The following MCTP1 variants were observed in gnomAD, a reference collection of about 807,000 sequenced individuals.
The protein encoded by MCTP1 is multiple C2 and transmembrane domain-containing protein 1.
In MCTP1, 69 loss-of-function variants were observed where a neutral mutation model predicts 120.6. The observed-to-expected ratio is 0.57, with a 90% CI of 0.47 to 0.70. The LOEUF is 0.70. Among genes scored for constraint, MCTP1 ranks in the 30% least tolerant of loss-of-function variants. The probability of loss-of-function intolerance (pLI) is 0.00; values close to 1 mark genes in which losing one functional copy is unlikely to be tolerated. For synonymous variants in MCTP1, 529 were observed against 493.1 expected, an observed-to-expected ratio of 1.07 and a Z score of -0.96; for missense variants, 1,203 against 1,248.8, an observed-to-expected ratio of 0.96 and a Z score of 0.55.
At chr5:95,081,341 T>A in intron 1 of MCTP1, 1 of 1,236,838 alleles carries the variant, frequency 8.1e-7, no homozygotes. Flanking sequence ...GAGAAGGCAT[T>A]TTTCTAAGGA....
At chr5:94,844,301 C>CAAAAAAAAAAAAAAAAAAAAAAAAAA (rs59169145) in intron 17 of MCTP1, among the ~76,000 whole-genome samples, 1 of 79,700 alleles carries the variant, frequency 1.3e-5, no homozygotes, top group Non-Finnish European at 2.3e-5. Flanking sequence ...GACTCTGTCT[C>CAAAAAAAAAAAAAAAAAAAAAAAAAA]AAAAAAAAAA....
rs770650066 is a variant in MCTP1 at position 94,799,064 on chromosome 5, T to C, written c.2505A>G (p.Thr835=). 2 of 1,612,120 alleles carry C rather than the reference T, an allele frequency of 1.2e-6. No individual in the cohort carries two copies. The highest frequency in any genetic ancestry group is 1.1e-5 in the South Asian group (1 of 90,994). Reference sequence around the variant, plus strand: ...CTGATATTATCAAGAAGTAGTTCCATGTCAATAGTAACAACAAAACCAGTG... The same window carrying C: ...CTGATATTATCAAGAAGTAGTTCCACGTCAATAGTAACAACAAAACCAGTG... The part of the protein sequence containing the change: ...MIPLVLLLLL[T]WNYFLIISGK... The change falls in exon 18 of 23, where the codon ACA becomes ACG. Residue 835 remains threonine, a synonymous_variant. Transcript: ENST00000515393.
intron 1 of MCTP1, among the ~76,000 whole-genome samples, chr5:95,249,356 C>A (rs1757147482): frequency 6.6e-6 from 1 of 151,992 alleles, no homozygotes; most frequent in Non-Finnish European, 1.5e-5. Flanking sequence ...AAGATATGAA[C>A]AGATACTTCT....
At chr5:95,168,110 A>C (rs549306119) in intron 1 of MCTP1, among the ~76,000 whole-genome samples, 4 of 152,242 alleles carry the variant, frequency 2.6e-5, no homozygotes, top group Non-Finnish European at 5.9e-5. Flanking sequence ...AGCTTTCTAC[A>C]TATGGCTAGC....
At chr5:94,709,807 A>T (rs1202131242) in intron 21 of MCTP1, 2 of 152,096 alleles carry the variant, frequency 1.3e-5, no homozygotes, top group Non-Finnish European at 2.9e-5. Flanking sequence ...TATAGTGATA[A>T]TAAGGGGTAA....
At chr5:94,889,748 C>CA (rs1802126311) in intron 11 of MCTP1, among the ~76,000 whole-genome samples, 10 of 102,354 alleles carry the variant, frequency 9.8e-5, no homozygotes, top group Middle Eastern at 5.7e-3. Flanking sequence ...CATGAATGTA[C>CA]ACCACACACA....
At chr5:94,794,442 G>C (rs1031716446) in intron 18 of MCTP1, among the ~76,000 whole-genome samples, 4 of 152,204 alleles carry the variant, frequency 2.6e-5, no homozygotes, top group African/African-American at 9.6e-5. Flanking sequence ...AAGGTTACTG[G>C]TTACCTTACA....
chr5:95,102,146 C>T (rs190154331), intron 1 of MCTP1, among the ~76,000 whole-genome samples: 41 of 152,236 alleles, frequency 2.7e-4, no homozygotes, highest in Non-Finnish European at 5.1e-4. Context: ...AATGATAGGA[C>T]TCATCAAAAG....
chr5:95,220,257 A>T (rs1753532374), intron 1 of MCTP1, among the ~76,000 whole-genome samples: 1 of 152,106 alleles, frequency 6.6e-6, no homozygotes, highest in Admixed American at 6.5e-5. Context: ...TGATTTTCAT[A>T]GTACAATATT....
At chr5:94,910,200 GTATATATACATATATGTGTATACATA>G in intron 9 of MCTP1, among the ~76,000 whole-genome samples, 1 of 150,830 alleles carries the variant, frequency 6.6e-6, no homozygotes, top group Non-Finnish European at 1.5e-5. Flanking sequence ...ATACATATAT[GTATATATACATATATGTGTATACATA>G]TATGTATGTA....
chr5:95,271,465 GA>G (rs34340941), intron 1 of MCTP1, among the ~76,000 whole-genome samples: 11 of 149,742 alleles, frequency 7.3e-5, no homozygotes, highest in East Asian at 2.0e-4. Flanking sequence ...CCTCAAATTA[GA>G]AAAAAAAAAT....
chr5:95,151,896 T>C (rs331569), intron 1 of MCTP1, among the ~76,000 whole-genome samples: 43,480 of 152,092 alleles, frequency 0.29, 6,688 homozygotes, highest in East Asian at 0.59. Context: ...TCCACACATA[T>C]ACTTTTCCTA....
intron 1 of MCTP1, among the ~76,000 whole-genome samples, chr5:95,129,808 C>T (rs1244811706): frequency 6.6e-6 from 1 of 152,110 alleles, no homozygotes; most frequent in Non-Finnish European, 1.5e-5. Flanking sequence ...TTACAGGCAC[C>T]TGCCACCATG....
At chr5:94,894,048 G>T (rs1426532215) in intron 11 of MCTP1, among the ~76,000 whole-genome samples, 1 of 152,148 alleles carries the variant, frequency 6.6e-6, no homozygotes, top group African/African-American at 2.4e-5. Context: ...GAATATTTCA[G>T]TTAGGTAAAA....
chr5:94,853,110 G>T (rs1038437413), intron 17 of MCTP1, among the ~76,000 whole-genome samples: 15 of 151,876 alleles, frequency 9.9e-5, no homozygotes, highest in African/African-American at 2.7e-4. Context: ...TATCATTTAT[G>T]TTGGGCAACT....
chr5:95,206,062 T>C (rs941318309), intron 1 of MCTP1, among the ~76,000 whole-genome samples: 2 of 152,132 alleles, frequency 1.3e-5, no homozygotes, highest in Non-Finnish European at 2.9e-5. Flanking sequence ...TAAAAACACA[T>C]GTACAAATGA....
chr5:94,825,479 A>G (rs1345122393), intron 17 of MCTP1, among the ~76,000 whole-genome samples: 12 of 152,140 alleles, frequency 7.9e-5, no homozygotes. Context: ...CAATTTTAGA[A>G]TAAGTGCTAT....
chr5:94,943,785 A>G (rs950280486), intron 3 of MCTP1, among the ~76,000 whole-genome samples: 2 of 137,828 alleles, frequency 1.5e-5, no homozygotes, highest in Non-Finnish European at 1.5e-5. Context: ...TTTACGATGG[A>G]AAAAAAAAAC....
At chr5:95,271,011 T>C (rs1759346490) in intron 1 of MCTP1, among the ~76,000 whole-genome samples, 1 of 151,592 alleles carries the variant, frequency 6.6e-6, no homozygotes, top group Admixed American at 6.6e-5. Flanking sequence ...CCACAATAGA[T>C]AACACAATAA....
Sources: allele counts gnomAD v4.1 joint callset (sites outside exome capture counted in the v4.1 genomes callset), GRCh38; gene constraint gnomAD v4.1.1; transcripts MANE v1.5; gene names NCBI Gene and HGNC (gene_info 2026-07-23, HGNC 2026-07-21).